Variants in CLSTN2 observed in about 807,000 individuals in gnomAD.
The protein encoded by CLSTN2 is calsyntenin 2.
Under a neutral mutation model 101.2 loss-of-function variants are expected in CLSTN2, and 48 were observed. The observed-to-expected ratio is 0.47, with a 90% CI of 0.38 to 0.60. The LOEUF is 0.60. Among genes scored for constraint, CLSTN2 ranks in the 20% least tolerant of loss-of-function variants. The pLI is 0.00. For synonymous variants in CLSTN2, 481 were observed against 463.6 expected (o/e 1.04, Z -0.48); for missense variants, 1,160 against 1,238.2 (o/e 0.94, Z 0.95).
intron 1 of CLSTN2, among the ~76,000 whole-genome samples, chr3:140,118,610 C>T (rs1029129278): frequency 1.7e-4 from 26 of 152,066 alleles, no homozygotes; most frequent in Admixed American, 1.2e-3. Context: ...AAGACAGAAT[C>T]AGGTAGAAAG....
At chr3:140,337,080 A>T (rs2127473) in intron 2 of CLSTN2, among the ~76,000 whole-genome samples, 1 of 151,994 alleles carries the variant, frequency 6.6e-6, no homozygotes, top group Non-Finnish European at 1.5e-5. Context: ...TCCAGATTTC[A>T]GGAATGTGGG....
intron 16 of CLSTN2, 38 bp downstream of exon 16, chr3:140,564,183 G>C (rs1935987648): frequency 6.3e-7 from 1 of 1,595,482 alleles, no homozygotes; most frequent in Admixed American, 1.7e-5. Context: ...TGGGTGGGGT[G>C]CTTCTCCCTC....
chr3:140,311,381 C>T (rs992221928), intron 2 of CLSTN2, among the ~76,000 whole-genome samples: 2 of 134,398 alleles, frequency 1.5e-5, no homozygotes, highest in African/African-American at 5.7e-5. Context: ...TCTTGGCTCA[C>T]TGCAACCTCT....
chr3:140,294,914 T>G (rs906485025), intron 2 of CLSTN2, among the ~76,000 whole-genome samples: 1 of 152,150 alleles, frequency 6.6e-6, no homozygotes, highest in Non-Finnish European at 1.5e-5. Flanking sequence ...AGAGCTCACT[T>G]GGGTTTCTCC....
chr3:140,407,727 C>T (rs1233039751), intron 4 of CLSTN2, among the ~76,000 whole-genome samples: 1 of 152,132 alleles, frequency 6.6e-6, no homozygotes, highest in Non-Finnish European at 1.5e-5. Context: ...TTGAGATGGC[C>T]TCATCTGCTA....
rs2010318511 is a variant in CLSTN2 at position 140,176,043 on chromosome 3, C to A, written c.202C>A (p.Leu68Met). ...CATTTTGGACCCACCACTGGTAGCC[C>A]TGGATAAAGATGCACCGGTTCCTTT... is the stretch of plus-strand genomic sequence containing the variant. ...TVILDPPLVA[L>M]DKDAPVPFAG... Residue 68 changes from leucine to methionine, a missense_variant, in exon 2 of 17, where the codon CTG becomes ATG. Leu to Met is a conservative substitution (Grantham distance 15). Coordinates refer to ENST00000458420, the MANE Select transcript of CLSTN2 (RefSeq NM_022131.3). 6.2e-7 allele frequency: 1 copy of A among 1,613,744 alleles called. No individual in the cohort carries two copies. The highest frequency in any genetic ancestry group is 1.3e-5 in the African/African-American group (1 of 74,876).
At chr3:140,116,735 A>C (rs1452040294) in intron 1 of CLSTN2, among the ~76,000 whole-genome samples, 2 of 152,130 alleles carry the variant, frequency 1.3e-5, no homozygotes, top group Non-Finnish European at 2.9e-5. Flanking sequence ...CCTGAGCACC[A>C]GCCATGGGAA....
intron 2 of CLSTN2, among the ~76,000 whole-genome samples, chr3:140,281,038 T>C (rs1408296163): frequency 6.6e-6 from 1 of 152,190 alleles, no homozygotes; most frequent in Non-Finnish European, 1.5e-5. Flanking sequence ...CTGGATGTCT[T>C]AGAAGAGTGG....
intron 1 of CLSTN2, among the ~76,000 whole-genome samples, chr3:139,991,952 CA>C (rs1335382634): frequency 6.6e-6 from 1 of 152,196 alleles, no homozygotes; most frequent in Non-Finnish European, 1.5e-5. Context: ...TACTCCACAG[CA>C]GCTTTGACAT....
chr3:140,091,386 G>C (rs377734286), intron 1 of CLSTN2, among the ~76,000 whole-genome samples: 1 of 152,148 alleles, frequency 6.6e-6, no homozygotes, highest in Non-Finnish European at 1.5e-5. Flanking sequence ...TTCCTTGGCT[G>C]TACCCAACAG....
At chr3:140,025,335 C>T (rs1023523619) in intron 1 of CLSTN2, among the ~76,000 whole-genome samples, 2 of 152,220 alleles carry the variant, frequency 1.3e-5, no homozygotes, top group South Asian at 2.1e-4. Context: ...AGCTGATTCA[C>T]TTTGTTCCAG....
chr3:140,266,569 A>C (rs2086695372), intron 2 of CLSTN2, among the ~76,000 whole-genome samples: 1 of 152,156 alleles, frequency 6.6e-6, no homozygotes, highest in South Asian at 2.1e-4. Flanking sequence ...ATCTATTCCT[A>C]AAGCTCATCA....
intron 8 of CLSTN2, among the ~76,000 whole-genome samples, chr3:140,529,419 C>CT (rs1935210797): frequency 1.3e-5 from 2 of 152,208 alleles, no homozygotes; most frequent in African/African-American, 2.4e-5. Flanking sequence ...GCTGGATACA[C>CT]CAGTGATTCA....
At chr3:140,422,366 A>G (rs1036506041) in intron 5 of CLSTN2, among the ~76,000 whole-genome samples, 1 of 152,100 alleles carries the variant, frequency 6.6e-6, no homozygotes, top group South Asian at 2.1e-4. Flanking sequence ...TCCTAATCCA[A>G]TTCATCAGGG....
chr3:140,398,359 CT>C (rs2088205186), intron 2 of CLSTN2, among the ~76,000 whole-genome samples: 1 of 152,100 alleles, frequency 6.6e-6, no homozygotes, highest in African/African-American at 2.4e-5. Flanking sequence ...GTGAAATTGG[CT>C]TTTTTCCCCT....
At position 140,261,512 on chromosome 3, in the gene CLSTN2, C is replaced by T. The variant is rs534895322; in HGVS notation, c.232+85439C>T. Among the ~76,000 whole-genome samples, 72 of 152,218 alleles carry T rather than the reference C, an allele frequency of 4.7e-4. No homozygotes were observed. The Middle Eastern group carries it at 0.01, about 22-fold the overall frequency. On this transcript the variant is annotated intron_variant, in intron 2 of 16. Transcript: ENST00000458420. ...CATCTTCTGTATTCCCTACCCAAGT[C>T]TTAGAATAAACTGCTTCTCCAAGGA...
chr3:140,449,590 CG>C (rs983771353), intron 6 of CLSTN2: 27 of 152,284 alleles, frequency 1.8e-4, no homozygotes, highest in African/African-American at 6.5e-4. Context: ...AGTCCTTTTA[CG>C]GCTTCTTCCA....
intron 1 of CLSTN2, among the ~76,000 whole-genome samples, chr3:140,067,704 C>G (rs2008321711): frequency 6.6e-6 from 1 of 152,106 alleles, no homozygotes; most frequent in Non-Finnish European, 1.5e-5. Flanking sequence ...CAAGGGCTCC[C>G]CTGTGAGTGG....
chr3:140,520,931 C>T (rs948371693), intron 8 of CLSTN2, among the ~76,000 whole-genome samples: 1 of 152,040 alleles, frequency 6.6e-6, no homozygotes, highest in Non-Finnish European at 1.5e-5. Context: ...CTTTTTTCCA[C>T]TTGGTCTATT....
Sources: gnomAD v4.1 joint callset for allele counts (sites outside exome capture counted in the v4.1 genomes callset) on GRCh38, gnomAD v4.1.1 for gene constraint, MANE v1.5 for transcripts, NCBI Gene and HGNC (gene_info 2026-07-23, HGNC 2026-07-21) for gene names.